TIAM2: variants seen among roughly 807,000 people sequenced by gnomAD.
The protein encoded by TIAM2 is TIAM Rac1 associated GEF 2, also known as rho guanine nucleotide exchange factor TIAM2.
Under a neutral mutation model 152.9 loss-of-function variants are expected in TIAM2, and 80 were observed. The observed-to-expected ratio is 0.52, with a 90% confidence interval of 0.44 to 0.63. The LOEUF (loss-of-function observed/expected upper bound fraction) is 0.63, where lower values mean the gene tolerates loss of function less well. Among genes scored for constraint, TIAM2 ranks in the 30% least tolerant of loss-of-function variants. The pLI, the probability that TIAM2 is intolerant of heterozygous loss-of-function variation, is 0.00. For synonymous variants in TIAM2, 804 were observed against 838.0 expected (o/e 0.96, Z 0.70); for missense variants, 1,965 against 2,120.1 (o/e 0.93, Z 1.44).
chr6:155,033,259 C>T (rs552669486), intron 1 of TIAM2, among the ~76,000 whole-genome samples: 40 of 152,296 alleles, frequency 2.6e-4, no homozygotes, highest in African/African-American at 9.4e-4. Flanking sequence ...GTGATGTAAC[C>T]ACTGGGCTAC....
At chr6:155,027,670 TATATA>T (rs1471897479) in intron 1 of TIAM2, among the ~76,000 whole-genome samples, 1 of 24 alleles carries the variant, frequency 0.042, no homozygotes, top group Non-Finnish European at 0.062. Context: ...ATATATACTA[TATATA>T]ATATATGTAC....
At chr6:155,002,901 C>T (rs934947088) in intron 1 of TIAM2, among the ~76,000 whole-genome samples, 1 of 151,850 alleles carries the variant, frequency 6.6e-6, no homozygotes, top group Non-Finnish European at 1.5e-5. Flanking sequence ...ACCATGTTGA[C>T]CAGGCTAGTC....
intron 15 of TIAM2, among the ~76,000 whole-genome samples, chr6:155,215,841 C>A (rs1781844544): frequency 6.6e-6 from 1 of 150,746 alleles, no homozygotes; most frequent in South Asian, 2.1e-4. Flanking sequence ...AAGTTCTCAC[C>A]CTGTTGTGCA....
rs758411406 is a variant in TIAM2 at position 155,254,501 on chromosome 6, T to A, written c.4396T>A (p.Leu1466Ile). Reference protein sequence around the residue: ...ENFRRHIKCELPLEKTCKDRL... With the variant: ...ENFRRHIKCEIPLEKTCKDRL... ...CTTCAGGCGTCACATAAAGTGTGAATTACCACTGGAGAAAACGTGTAAGGA... is the reference window on the plus strand; with the variant it reads ...CTTCAGGCGTCACATAAAGTGTGAAATACCACTGGAGAAAACGTGTAAGGA... The change falls in exon 26 of 27, where the codon TTA becomes ATA. Residue 1466 changes from leucine to isoleucine, a missense_variant. Leu to Ile is a conservative substitution (Grantham distance 5, BLOSUM62 2). Transcript: ENST00000682666. 1.9e-6 allele frequency: 3 copies of A among 1,614,046 alleles called. No individual in the cohort carries two copies. Among genetic ancestry groups the A allele is most frequent in the African/African-American group, 2.7e-5 (2 of 74,934 alleles).
At chr6:155,187,568 G>GCC (rs1562347138) in intron 14 of TIAM2, among the ~76,000 whole-genome samples, 12 of 69,770 alleles carry the variant, frequency 1.7e-4, no homozygotes, top group African/African-American at 4.9e-4. Flanking sequence ...CCCCCACCCC[G>GCC]CCCCCTTTTT....
chr6:155,159,840 C>T (rs9285543), intron 7 of TIAM2, among the ~76,000 whole-genome samples: 70,750 of 151,920 alleles, frequency 0.47, 16,960 homozygotes, highest in East Asian at 0.55. Flanking sequence ...TATAAAGAAC[C>T]ATGACCTTAA....
At chr6:155,014,217 T>TA (rs1456168913) in intron 1 of TIAM2, among the ~76,000 whole-genome samples, 1 of 152,212 alleles carries the variant, frequency 6.6e-6, no homozygotes, top group African/African-American at 2.4e-5. Flanking sequence ...TGTCTATTCT[T>TA]ATTTGGTGGA....
At chr6:154,997,242 C>A (rs1778230643) in intron 1 of TIAM2, among the ~76,000 whole-genome samples, 1 of 152,184 alleles carries the variant, frequency 6.6e-6, no homozygotes, top group South Asian at 2.1e-4. Flanking sequence ...AGTCAAATAC[C>A]TTCTCTAGGA....
chr6:155,183,733 T>A (rs1227443328), intron 14 of TIAM2, among the ~76,000 whole-genome samples: 2 of 151,718 alleles, frequency 1.3e-5, no homozygotes, highest in African/African-American at 2.4e-5. Flanking sequence ...AAATAACATT[T>A]AAAAAAAAAT....
At chr6:155,240,413 A>T (rs564153734) in intron 15 of TIAM2, 117 bp from the exon 16 acceptor site, 1 of 1,114,632 alleles carries the variant, frequency 9.0e-7, no homozygotes, top group South Asian at 1.8e-5. Flanking sequence ...TGCCCTACAC[A>T]GAGGCCCCTC....
Position 155,218,969 on chromosome 6 carries a change from GCCGCCCACCCGTGTTCTTGA to G in TIAM2, c.3168+7665_3168+7684del, listed in dbSNP as rs1417734246. On this transcript the variant is annotated intron_variant, in intron 15 of 26. Coordinates refer to ENST00000682666, the MANE Select transcript of TIAM2 (RefSeq NM_012454.4). This position sits in a 1 kb window ranked among gnomAD's most constrained non-coding sequence, Gnocchi z 4.5. ...CCCACCCGTGTTCTTGACCATCTCA[GCCGCCCACCCGTGTTCTTGA>G]CCATCTCAGCCGTGTTCTTGACCAT... 9.1e-5 allele frequency among the ~76,000 whole-genome samples: 12 copies of G among 132,436 alleles called. No homozygotes were observed. Among genetic ancestry groups the G allele is most frequent in the African/African-American group, 3.0e-4 (10 of 33,784 alleles). 86.9% of individuals were successfully genotyped at this position (132,436 alleles called of 152,430 possible).
chr6:155,137,635 A>C (rs904764771), intron 5 of TIAM2, 23 bp downstream of exon 5: 2 of 1,532,080 alleles, frequency 1.3e-6, no homozygotes, highest in African/African-American at 2.7e-5. Flanking sequence ...TCACCTGCTG[A>C]GGCCACTGGG....
chr6:155,160,782 C>T (rs935306774), intron 7 of TIAM2, among the ~76,000 whole-genome samples: 2 of 151,800 alleles, frequency 1.3e-5, no homozygotes, highest in African/African-American at 4.8e-5. Flanking sequence ...CAAAAACAAA[C>T]AAACAAACAA....
rs547909825 is a variant in TIAM2, at chr6:155,108,634, T to G, written c.-118+18255T>G. On this transcript the variant is annotated intron_variant, in intron 2 of 26. Transcript: ENST00000682666. Reference sequence around the variant, plus strand: ...CAAAGCCCTCTCATTAGATCAGGCCTGCAGGAAGGATGCCTGGAAGTGCGA... The same window carrying G: ...CAAAGCCCTCTCATTAGATCAGGCCGGCAGGAAGGATGCCTGGAAGTGCGA... 6.6e-5 allele frequency among the ~76,000 whole-genome samples: 10 copies of G among 152,272 alleles called. No homozygotes were observed. In the East Asian group the frequency reaches 1.9e-3, roughly 29 times the overall value.
At chr6:155,137,744 C>A (rs1779589551) in intron 5 of TIAM2, 132 bp downstream of exon 5, 2 of 952,014 alleles carry the variant, frequency 2.1e-6, no homozygotes, top group East Asian at 2.6e-5. Flanking sequence ...CATGGGCTGC[C>A]TTCATGCAGA....
At chr6:154,999,928 C>T (rs376171881) in intron 1 of TIAM2, among the ~76,000 whole-genome samples, 1 of 152,006 alleles carries the variant, frequency 6.6e-6, no homozygotes, top group Non-Finnish European at 1.5e-5. Flanking sequence ...CCGCCCGCCT[C>T]GGCCTCCCAA....
chr6:155,245,016 C>T (rs6924427), intron 18 of TIAM2, among the ~76,000 whole-genome samples: 51,608 of 151,750 alleles, frequency 0.34, 9,494 homozygotes, highest in Middle Eastern at 0.5. Flanking sequence ...CAGCACCTCC[C>T]GCCTGGTTGT....
At chr6:155,231,855 A>G (rs1408597880) in intron 15 of TIAM2, among the ~76,000 whole-genome samples, 1 of 152,222 alleles carries the variant, frequency 6.6e-6, no homozygotes, top group Non-Finnish European at 1.5e-5. Context: ...CAGGTGGATC[A>G]CCTGAGGTCA....
rs1008679535 is a variant in TIAM2, at chr6:155,130,201, T to C, written c.978T>C (p.His326=). Residue 326 remains histidine (H), a synonymous_variant, in exon 4 of 27, where the codon CAT becomes CAC. Transcript: ENST00000682666. ...TTTCTGATGAATACATGGGCACGCA[T>C]GCCAGCCTGAGCAACCGTGTCTCTT... ...IRLSDEYMGT[H]ASLSNRVSFA... is the part of the protein sequence containing the mutation. 6.2e-7 allele frequency: 1 copy of C among 1,614,064 alleles called. No homozygotes were observed. Among genetic ancestry groups the C allele is most frequent in the African/African-American group, 1.3e-5 (1 of 74,928 alleles).
Sources: allele counts gnomAD v4.1 joint callset (sites outside exome capture counted in the v4.1 genomes callset), GRCh38; gene constraint gnomAD v4.1.1; non-coding constraint Gnocchi (gnomAD v3.1); transcripts MANE v1.5; gene names NCBI Gene and HGNC (gene_info 2026-07-23, HGNC 2026-07-21).